The following CDH2 variants were observed in gnomAD, a reference collection of about 807,000 sequenced individuals.
CDH2 encodes the protein cadherin-2.
In CDH2, 17 loss-of-function variants were observed where a neutral mutation model predicts 92.0. The observed-to-expected ratio is 0.18, with a 90% CI of 0.13 to 0.28. CDH2 has a LOEUF of 0.28. CDH2 is among the 10% of genes least tolerant of loss of function. The pLI is 1.00. For synonymous variants in CDH2, 419 were observed against 415.9 expected (o/e 1.01, Z -0.09); for missense variants, 862 against 1,133.1 (o/e 0.76, Z 3.44).
chr18:28,004,570 A>C (rs2012860153), intron 6 of CDH2, among the ~76,000 whole-genome samples: 1 of 152,182 alleles, frequency 6.6e-6, no homozygotes, highest in Non-Finnish European at 1.5e-5. Context: ...CATTTTAAAC[A>C]ATTTTTGTGA....
intron 7 of CDH2, among the ~76,000 whole-genome samples, chr18:28,000,166 C>T (rs1204408124): frequency 3.3e-5 from 5 of 152,170 alleles, no homozygotes; most frequent in African/African-American, 1.2e-4. Context: ...TGCAGTGGTG[C>T]AATCACGGCT....
chr18:28,114,144 T>C (rs2015457177), intron 2 of CDH2, among the ~76,000 whole-genome samples: 1 of 152,120 alleles, frequency 6.6e-6, no homozygotes, highest in African/African-American at 2.4e-5. Flanking sequence ...TCTATAGCAC[T>C]GTAGGATGAC....
chr18:28,005,100 T>G (rs2012877766), intron 6 of CDH2, among the ~76,000 whole-genome samples: 1 of 152,168 alleles, frequency 6.6e-6, no homozygotes, highest in Non-Finnish European at 1.5e-5. Context: ...ACACTTACTT[T>G]TACCATCCCT....
intron 5 of CDH2, among the ~76,000 whole-genome samples, chr18:28,007,061 G>GC (rs2012945698): frequency 6.7e-6 from 1 of 150,172 alleles, no homozygotes; most frequent in Non-Finnish European, 1.5e-5. Flanking sequence ...CTCAGAGGCT[G>GC]AGGCAGGAGA....
At chr18:27,980,084 G>T (rs151021649) in intron 14 of CDH2, among the ~76,000 whole-genome samples, 3 of 152,294 alleles carry the variant, frequency 2.0e-5, no homozygotes, top group African/African-American at 7.2e-5. Flanking sequence ...AAGATCCACA[G>T]CTGCTTTTAT....
chr18:27,934,186 A>G (rs1019784078), intron 6 of CDH2, among the ~76,000 whole-genome samples: 1 of 152,170 alleles, frequency 6.6e-6, no homozygotes, highest in Non-Finnish European at 1.5e-5. Context: ...ATTCACATGC[A>G]TATGGTCATT....
At chr18:27,959,909 G>A (rs17445587) in intron 15 of CDH2, among the ~76,000 whole-genome samples, 1 of 152,046 alleles carries the variant, frequency 6.6e-6, no homozygotes, top group Non-Finnish European at 1.5e-5. Flanking sequence ...CAGCGCTTTG[G>A]AAGGTTGAGG....
At chr18:28,017,554 A>G (rs2013286988) in intron 2 of CDH2, among the ~76,000 whole-genome samples, 1 of 151,988 alleles carries the variant, frequency 6.6e-6, no homozygotes, top group South Asian at 2.1e-4. Flanking sequence ...TTATCTTTCA[A>G]ATAACCAGCT....
intron 2 of CDH2, among the ~76,000 whole-genome samples, chr18:28,104,758 AGATAT>A (rs2015294104): frequency 1.3e-5 from 2 of 151,830 alleles, no homozygotes; most frequent in Non-Finnish European, 2.9e-5. Flanking sequence ...CTATCTAGAT[AGATAT>A]ATGTTCCATC....
chr18:27,982,458 A>G (rs1212379974), intron 14 of CDH2, among the ~76,000 whole-genome samples: 43 of 152,330 alleles, frequency 2.8e-4, no homozygotes, highest in African/African-American at 9.9e-4. Flanking sequence ...ATATTTCACA[A>G]GAATGTAAGA....
At chr18:28,149,962 TG>T (rs928418565) in intron 1 of CDH2, among the ~76,000 whole-genome samples, 1 of 152,172 alleles carries the variant, frequency 6.6e-6, no homozygotes, top group African/African-American at 2.4e-5. Flanking sequence ...TTTGGGACAC[TG>T]GGAGACAGTC....
At chr18:28,001,214 C>T (rs2012755428) in intron 7 of CDH2, among the ~76,000 whole-genome samples, 1 of 152,172 alleles carries the variant, frequency 6.6e-6, no homozygotes, top group African/African-American at 2.4e-5. Context: ...ACAATTATGG[C>T]CTCACGTCAG....
chr18:28,046,591 C>T (rs750224399), intron 2 of CDH2, among the ~76,000 whole-genome samples: 8 of 152,084 alleles, frequency 5.3e-5, no homozygotes, highest in Non-Finnish European at 1.0e-4. Flanking sequence ...GAGAAAAATG[C>T]TCTGCAAATT....
intron 2 of CDH2, among the ~76,000 whole-genome samples, chr18:28,120,159 AAATTATCCCT>A: frequency 6.6e-6 from 1 of 152,210 alleles, no homozygotes; most frequent in African/African-American, 2.4e-5. Context: ...CACTATGTCT[AAATTATCCCT>A]AAGTACTCTG....
chr18:28,098,592 C>T (rs1483738770), intron 2 of CDH2, among the ~76,000 whole-genome samples: 3 of 151,968 alleles, frequency 2.0e-5, no homozygotes, highest in Non-Finnish European at 4.4e-5. Flanking sequence ...CGTATTTTCT[C>T]GGTGAGGCAC....
intron 2 of CDH2, among the ~76,000 whole-genome samples, chr18:28,044,046 G>A (rs2014019570): frequency 6.6e-6 from 1 of 151,766 alleles, no homozygotes; most frequent in South Asian, 2.1e-4. Context: ...CTGAGTAGCT[G>A]GGATTACAGG....
At chr18:28,007,743 T>C (rs1399417194) in intron 5 of CDH2, among the ~76,000 whole-genome samples, 1 of 152,148 alleles carries the variant, frequency 6.6e-6, no homozygotes, top group East Asian at 1.9e-4. Context: ...TTTTGTGAGA[T>C]GCAGTCTTGC....
intron 2 of CDH2, among the ~76,000 whole-genome samples, chr18:28,032,837 T>C (rs1449408701): frequency 6.6e-6 from 1 of 152,024 alleles, no homozygotes; most frequent in Admixed American, 6.6e-5. Flanking sequence ...GAAATTTCCA[T>C]TTCTTGTTGA....
chr18:28,132,459 A>G (rs566919313), intron 2 of CDH2, among the ~76,000 whole-genome samples: 69 of 152,304 alleles, frequency 4.5e-4, no homozygotes, highest in African/African-American at 1.6e-3. Context: ...TCAAGGAGTG[A>G]GAGAACCACT....
Sources: gnomAD v4.1 joint callset for allele counts (sites outside exome capture counted in the v4.1 genomes callset) on GRCh38, gnomAD v4.1.1 for gene constraint, MANE v1.5 for transcripts, NCBI Gene and HGNC (gene_info 2026-07-23, HGNC 2026-07-21) for gene names.